The following TBL1X variants were observed in gnomAD, a reference collection of about 807,000 sequenced individuals.
TBL1X encodes transducin beta like 1 X-linked.
In TBL1X, 10 loss-of-function variants were observed where a neutral mutation model predicts 50.7. That is an observed-to-expected ratio of 0.20 (90% CI 0.12 to 0.33). The LOEUF is 0.33. Among genes scored for constraint, TBL1X ranks in the 10% least tolerant of loss-of-function variants. TBL1X has a pLI of 1.00. For missense variants in TBL1X, 340 were observed against 504.4 expected (o/e 0.67, Z 3.12); for synonymous variants, 190 against 214.7 (o/e 0.88, Z 1.01).
At chrX:9,664,440 CACAGACACTGTGG>C (rs767826732) in intron 5 of TBL1X, among the ~76,000 whole-genome samples, 35 of 110,977 alleles carry the variant, frequency 3.2e-4, no homozygotes, top group African/African-American at 1.2e-3. Context: ...TGGATGGCCA[CACAGACACTGTGG>C]GGCCGTTGGA....
chrX:9,629,586 C>G (rs1408809128), intron 2 of TBL1X, among the ~76,000 whole-genome samples: 4 of 112,365 alleles, frequency 3.6e-5, no homozygotes, highest in Non-Finnish European at 5.6e-5. Context: ...GTGTGTTTCT[C>G]TGCATATCAG....
intron 1 of TBL1X, among the ~76,000 whole-genome samples, chrX:9,488,387 C>T (rs973335993): frequency 1.8e-5 from 2 of 111,612 alleles, no homozygotes; most frequent in Non-Finnish European, 3.8e-5. Context: ...CATTCCTGAG[C>T]TTGTGGCCCC....
intron 1 of TBL1X, among the ~76,000 whole-genome samples, chrX:9,480,503 A>AT (rs957575941): frequency 8.9e-6 from 1 of 111,927 alleles, no homozygotes; most frequent in African/African-American, 3.2e-5. Context: ...TAGGTTGAAT[A>AT]TTTTTTGTTT....
At chrX:9,678,924 A>G (rs1405035161) in intron 5 of TBL1X, among the ~76,000 whole-genome samples, 2 of 111,470 alleles carry the variant, frequency 1.8e-5, no homozygotes, top group Non-Finnish European at 1.9e-5. Flanking sequence ...TTGTGAGACT[A>G]TTACACGTTT....
intron 2 of TBL1X, among the ~76,000 whole-genome samples, chrX:9,570,489 C>T (rs1027158967): frequency 1.8e-5 from 2 of 111,079 alleles, no homozygotes; most frequent in African/African-American, 6.5e-5. Context: ...GGATTAAGCC[C>T]TTAAAACTGG....
At chrX:9,547,382 C>T (rs938037046) in intron 2 of TBL1X, among the ~76,000 whole-genome samples, 3 of 110,658 alleles carry the variant, frequency 2.7e-5, no homozygotes, top group East Asian at 2.9e-4. Flanking sequence ...TGCAATGGCG[C>T]GATCTCGACT....
intron 7 of TBL1X, among the ~76,000 whole-genome samples, chrX:9,689,752 G>C (rs762173904): frequency 2.4e-4 from 27 of 112,942 alleles, no homozygotes; most frequent in Non-Finnish European, 1.9e-4. Context: ...GGCTGGCTAA[G>C]ATGCCAGTTT....
intron 5 of TBL1X, among the ~76,000 whole-genome samples, chrX:9,678,185 C>G (rs60442614): frequency 1.8e-5 from 2 of 111,246 alleles, no homozygotes; most frequent in African/African-American, 6.6e-5. Context: ...TATTTTTGAT[C>G]TGTGGTTGGT....
chrX:9,604,401 T>TC (rs3216374), intron 2 of TBL1X, among the ~76,000 whole-genome samples: 10,360 of 108,627 alleles, frequency 0.095, 404 homozygotes, highest in Middle Eastern at 0.15. Context: ...TATTTCACTT[T>TC]CCCCCCCTTT....
intron 1 of TBL1X, among the ~76,000 whole-genome samples, chrX:9,479,141 A>G (rs2081865507): frequency 8.8e-6 from 1 of 113,068 alleles, no homozygotes; most frequent in African/African-American, 3.2e-5. Flanking sequence ...TCTGTTATGT[A>G]GTGTTTATAT....
At chrX:9,679,362 G>T (rs920901738) in intron 5 of TBL1X, among the ~76,000 whole-genome samples, 3 of 111,158 alleles carry the variant, frequency 2.7e-5, no homozygotes, top group African/African-American at 9.8e-5. Flanking sequence ...CCACAGCAAG[G>T]AATGAGCCAG....
At chrX:9,622,120 G>T (rs1020286721) in intron 2 of TBL1X, among the ~76,000 whole-genome samples, 1 of 110,272 alleles carries the variant, frequency 9.1e-6, no homozygotes, top group African/African-American at 3.3e-5. Context: ...CAACAGAGGG[G>T]TCTTTGGAAG....
chrX:9,655,274 C>T (rs964725781), intron 5 of TBL1X, among the ~76,000 whole-genome samples: 4 of 110,756 alleles, frequency 3.6e-5, no homozygotes, highest in African/African-American at 6.6e-5. Flanking sequence ...GTAGGCGGGT[C>T]GGTTCCTTCT....
intron 12 of TBL1X, among the ~76,000 whole-genome samples, chrX:9,699,665 C>G (rs1488895635): frequency 1.8e-5 from 2 of 111,577 alleles, no homozygotes; most frequent in Non-Finnish European, 3.8e-5. Flanking sequence ...AGACCATGAA[C>G]CGAAGGTCCC....
At chrX:9,509,608 C>G (rs1050776223) in intron 2 of TBL1X, among the ~76,000 whole-genome samples, 3 of 105,565 alleles carry the variant, frequency 2.8e-5, no homozygotes. Context: ...GCCTCAACCT[C>G]CCAAGTAGCT....
intron 5 of TBL1X, among the ~76,000 whole-genome samples, chrX:9,682,645 A>G (rs1039787988): frequency 9.0e-5 from 10 of 111,669 alleles, no homozygotes; most frequent in Non-Finnish European, 1.3e-4. Context: ...GTCAGTTTGC[A>G]TTTGGATAAG....
In TBL1X at chrX:9,716,912, C is replaced by T. The variant is rs1049950; in HGVS notation, c.*666C>T. ...CTGTTGCTCCCTGCCCCTCCCCCTG[C>T]CTTTCCACTCTGTCTGGTGAGCTCT... On this transcript the variant is annotated 3_prime_UTR_variant, in exon 18 of 18. Transcript: ENST00000645353. 37,457 of 109,846 alleles carry T rather than the reference C, an allele frequency of 0.34. 5,064 individuals carry two copies. Among genetic ancestry groups the T allele is most frequent in the Non-Finnish European group, 0.44 (22,961 of 52,662 alleles). 9.1% of individuals were successfully genotyped at this position (109,846 alleles called of 1,213,427 possible).
chrX:9,648,003 A>G (rs1282701895), intron 3 of TBL1X, among the ~76,000 whole-genome samples: 3 of 111,520 alleles, frequency 2.7e-5, no homozygotes, highest in African/African-American at 9.8e-5. Context: ...CATAGGGGCT[A>G]TTTGATACTC....
chrX:9,698,817 T>G lies in TBL1X; in HGVS notation c.1114+1388T>G, dbSNP rs370500394. On this transcript the variant is annotated intron_variant, in intron 12 of 17. Coordinates refer to ENST00000645353, the MANE Select transcript of TBL1X (RefSeq NM_005647.4). ...GGAGATCAGCCTCGGGCCTGTGGTGTTAGCACCTTCCTACACAGATGTGTG... is the reference window on the plus strand; with the variant it reads ...GGAGATCAGCCTCGGGCCTGTGGTGGTAGCACCTTCCTACACAGATGTGTG... Among the ~76,000 whole-genome samples the G allele has an allele frequency of 2.1e-4, 23 of 111,995 alleles. No homozygotes were observed. The East Asian group carries it at 5.4e-3, about 26-fold the overall frequency.
Sources: allele counts gnomAD v4.1 joint callset (sites outside exome capture counted in the v4.1 genomes callset), GRCh38; gene constraint gnomAD v4.1.1; transcripts MANE v1.5; gene names NCBI Gene and HGNC (gene_info 2026-07-23, HGNC 2026-07-21).